RORB: variants seen among roughly 807,000 people sequenced by gnomAD.
RORB encodes the protein nuclear receptor ROR-beta.
A neutral mutation model predicts 59.1 loss-of-function variants in RORB; 6 were observed. That is an observed-to-expected ratio of 0.10 (90% CI 0.06 to 0.20). The LOEUF (loss-of-function observed/expected upper bound fraction) is 0.20, where lower values mean the gene tolerates loss of function less well. RORB is among the 10% of genes least tolerant of loss of function. The pLI is 1.00. For missense variants in RORB, 320 were observed against 560.5 expected, an observed-to-expected ratio of 0.57 and a Z score of 4.33; for synonymous variants, 215 against 204.5, an observed-to-expected ratio of 1.05 and a Z score of -0.44.
chr9:74,581,754 A>G (rs1822726826), intron 1 of RORB, among the ~76,000 whole-genome samples: 1 of 152,200 alleles, frequency 6.6e-6, no homozygotes, highest in African/African-American at 2.4e-5. Context: ...CCTGAGAACC[A>G]AGCATCATTT....
chr9:74,532,765 C>T (rs1219725673), intron 1 of RORB, among the ~76,000 whole-genome samples: 5 of 143,400 alleles, frequency 3.5e-5, no homozygotes, highest in East Asian at 4.0e-4. Context: ...TATATACACA[C>T]GTGTATGTGT....
Position 74,690,710 on chromosome 9 carries a change from A to G in RORB, c.*5092A>G, listed in dbSNP as rs1282888840. ...GGAGATCTTCCCCTTCTAATACTCA[A>G]TTTTGTTTTGGTATTTGATTGTCAC... On this transcript the variant is annotated 3_prime_UTR_variant, in exon 10 of 10. Coordinates refer to ENST00000376896, the MANE Select transcript of RORB (RefSeq NM_006914.4). 2 of 152,152 alleles carry G rather than the reference A, an allele frequency of 1.3e-5. No individual in the cohort carries two copies. The highest frequency in any genetic ancestry group is 2.4e-5 in the African/African-American group (1 of 41,442). 9.4% of individuals were successfully genotyped at this position (152,152 alleles called of 1,614,324 possible).
intron 1 of RORB, among the ~76,000 whole-genome samples, chr9:74,506,938 G>A (rs778928052): frequency 2.0e-5 from 3 of 152,072 alleles, no homozygotes; most frequent in Non-Finnish European, 2.9e-5. Context: ...AGAAGAATTC[G>A]AGAAGTGCAT....
chr9:74,570,033 T>C (rs894725424), intron 1 of RORB, among the ~76,000 whole-genome samples: 2 of 152,116 alleles, frequency 1.3e-5, no homozygotes, highest in Admixed American at 6.5e-5. Flanking sequence ...TTGATATTTT[T>C]TAGAGCTAGT....
chr9:74,544,172 C>T (rs1371549603), intron 1 of RORB, among the ~76,000 whole-genome samples: 1 of 152,180 alleles, frequency 6.6e-6, no homozygotes, highest in African/African-American at 2.4e-5. Context: ...AGGCTTGCCG[C>T]TTGCCTTGGT....
chr9:74,615,615 C>T (rs746729891), intron 1 of RORB: 38 of 454,754 alleles, frequency 8.4e-5, no homozygotes, highest in Non-Finnish European at 1.8e-5. Flanking sequence ...TGAGAACCAG[C>T]TCAAAACTAA....
intron 1 of RORB, among the ~76,000 whole-genome samples, chr9:74,538,813 G>C (rs1826362081): frequency 6.6e-6 from 1 of 151,736 alleles, no homozygotes; most frequent in Admixed American, 6.6e-5. Flanking sequence ...CGTCTTTAGA[G>C]TCAGATAAAA....
chr9:74,557,679 A>G (rs781226915), intron 1 of RORB, among the ~76,000 whole-genome samples: 5 of 152,066 alleles, frequency 3.3e-5, no homozygotes. Context: ...GCTTTCTGCA[A>G]CTTTGGCCTT....
intron 1 of RORB, among the ~76,000 whole-genome samples, chr9:74,550,353 A>G (rs577189107): frequency 1.2e-4 from 18 of 152,302 alleles, no homozygotes; most frequent in African/African-American, 3.8e-4. Context: ...GACTGTAATA[A>G]GTGGTTCTTA....
At chr9:74,598,013 T>A (rs944882297) in intron 1 of RORB, among the ~76,000 whole-genome samples, 7 of 152,212 alleles carry the variant, frequency 4.6e-5, no homozygotes, top group South Asian at 4.1e-4. Flanking sequence ...TTGATATACA[T>A]TAGGTTAAAT....
intron 1 of RORB, among the ~76,000 whole-genome samples, chr9:74,608,290 G>A (rs186765660): frequency 6.6e-6 from 1 of 152,212 alleles, no homozygotes; most frequent in East Asian, 1.9e-4. Flanking sequence ...TCTGGGCCGG[G>A]AGCGGTGGCT....
intron 1 of RORB, among the ~76,000 whole-genome samples, chr9:74,618,155 G>A (rs1029004511): frequency 3.3e-5 from 5 of 151,722 alleles, no homozygotes; most frequent in South Asian, 2.1e-4. Context: ...GCACACACAC[G>A]CGCATGCTAT....
intron 3 of RORB, among the ~76,000 whole-genome samples, chr9:74,641,627 G>A (rs1342912224): frequency 1.3e-5 from 2 of 152,126 alleles, no homozygotes; most frequent in African/African-American, 4.8e-5. Context: ...CTGGCCGGGT[G>A]CAGTGGCTCA....
intron 1 of RORB, among the ~76,000 whole-genome samples, chr9:74,526,524 A>G (rs1826158443): frequency 6.6e-6 from 1 of 151,934 alleles, no homozygotes; most frequent in African/African-American, 2.4e-5. Context: ...CCTACTTCTC[A>G]GAATTTTCCA....
rs1823961427 is a variant in RORB, at chr9:74,649,670, T to C, written c.637+6855T>C. Reference sequence around the variant, plus strand: ...CACAACTGCAATAAATGGTAGAATGTATACAAAGCACTTTGTAACCAGCCA... The same window carrying C: ...CACAACTGCAATAAATGGTAGAATGCATACAAAGCACTTTGTAACCAGCCA... On this transcript the variant is annotated intron_variant, in intron 4 of 9. Coordinates refer to ENST00000376896, the MANE Select transcript of RORB (RefSeq NM_006914.4). Among the ~76,000 whole-genome samples, 5 of 152,320 alleles carry C rather than the reference T, an allele frequency of 3.3e-5. No individual in the cohort carries two copies. In the South Asian group the frequency reaches 1.0e-3, roughly 32 times the overall value.
intron 7 of RORB, among the ~76,000 whole-genome samples, chr9:74,666,548 G>C (rs554820581): frequency 1.3e-5 from 2 of 151,946 alleles, no homozygotes; most frequent in Admixed American, 6.6e-5. Flanking sequence ...CATTCTTTGT[G>C]AAATCAGCTT....
intron 1 of RORB, among the ~76,000 whole-genome samples, chr9:74,571,413 A>C (rs546041334): frequency 5.9e-5 from 9 of 152,038 alleles, no homozygotes; most frequent in South Asian, 2.1e-4. Flanking sequence ...AAAAAAAAAA[A>C]AAAACACAGT....
chr9:74,584,753 G>T (rs1469302631), intron 1 of RORB, among the ~76,000 whole-genome samples: 3 of 152,146 alleles, frequency 2.0e-5, no homozygotes, highest in Admixed American at 6.5e-5. Context: ...TGGTAATGGA[G>T]ATAGTGGCTA....
intron 1 of RORB, among the ~76,000 whole-genome samples, chr9:74,608,340 C>T (rs1823181276): frequency 6.6e-6 from 1 of 151,830 alleles, no homozygotes; most frequent in African/African-American, 2.4e-5. Flanking sequence ...CCGAGGCGGG[C>T]GGATCATGAG....
Sources: allele counts gnomAD v4.1 joint callset (sites outside exome capture counted in the v4.1 genomes callset), GRCh38; gene constraint gnomAD v4.1.1; transcripts MANE v1.5; gene names NCBI Gene and HGNC (gene_info 2026-07-23, HGNC 2026-07-21).